APOB: variants seen among roughly 807,000 people sequenced by gnomAD.
APOB encodes apolipoprotein B, also known as apolipoprotein B-100.
In APOB, 153 loss-of-function variants were observed where a neutral mutation model predicts 314.1. The observed-to-expected ratio is 0.49, with a 90% confidence interval of 0.43 to 0.56. The LOEUF (loss-of-function observed/expected upper bound fraction) is 0.56. Among genes scored for constraint, APOB ranks in the 20% least tolerant of loss-of-function variants. The pLI is 0.00. For missense variants in APOB, 5,430 were observed against 5,350.7 expected, an observed-to-expected ratio of 1.01 and a Z score of -0.46; for synonymous variants, 2,087 against 2,036.4, an observed-to-expected ratio of 1.02 and a Z score of -0.67.
In APOB at chr2:21,009,147, G is replaced by A. The variant is rs150843941; in HGVS notation, c.7721C>T (p.Ala2574Val). The A allele has an allele frequency of 2.1e-5, 34 of 1,613,908 alleles. No homozygotes were observed. In the African/African-American group the frequency reaches 4.4e-4, roughly 21 times the overall value. Residue 2574 changes from alanine (A) to valine (V), a missense_variant, in exon 26 of 29, where the codon GCT becomes GTT. By Grantham distance (64) the Ala-to-Val change is moderately conservative. Coordinates refer to ENST00000233242, the MANE Select transcript of APOB (RefSeq NM_000384.3). The stretch of plus-strand genomic sequence containing the variant: ...CTCTACCAATGCTTTCATACGTTTA[G>A]CCCAATCTTGGATAGAATATTGCTC... The part of the protein sequence containing the change: ...FAEQYSIQDW[A>V]KRMKALVEQG...
chr2:21,043,873 C>A lies in APOB; in HGVS notation c.73G>T (p.Ala25Ser). The A allele has an allele frequency of 6.7e-7, 1 of 1,494,764 alleles. No homozygotes were observed. Among genetic ancestry groups the A allele is most frequent in the South Asian group, 1.2e-5 (1 of 80,086 alleles). The allele number at this position is 1,494,764 out of a possible 1,614,324, so 92.6% of individuals were successfully genotyped here. A position where few individuals can be genotyped will look rare whatever the true frequency, so the allele number is the denominator to read the frequency against. ...GCGGCCGCGCACTCACCGGCCCTGG[C>A]GCCCGCCAGCAGCAGCAGCAGCAGC... Reference protein sequence around the residue: ...PALLLLLLAGARAEEEMLENV... With the variant: ...PALLLLLLAGSRAEEEMLENV... The change falls in exon 1 of 29, where the codon GCC (alanine) becomes TCC (serine). Residue 25 changes from alanine to serine, a missense_variant. Physicochemically the swap from Ala to Ser is moderately conservative, Grantham distance 99 (BLOSUM62 1). Transcript: ENST00000233242.
In APOB at chr2:21,011,303, A is replaced by AG; in HGVS notation, c.5564dup (p.Val1856CysfsTer3). Reference sequence around the variant, plus strand: ...ACTCCACACCCTGAACCTTAGCAACAGTGTCTGCTTTATAGCTTGCTGATA... The same window carrying AG: ...ACTCCACACCCTGAACCTTAGCAACAGGTGTCTGCTTTATAGCTTGCTGATA... On this transcript the variant is annotated frameshift_variant, in exon 26 of 29. Transcript: ENST00000233242. LOFTEE classifies it high-confidence loss of function. 1.9e-6 allele frequency: 3 copies of AG among 1,614,220 alleles called. No individual in the cohort carries two copies. The highest frequency in any genetic ancestry group is 2.5e-6 in the Non-Finnish European group (3 of 1,180,026).
In APOB at chr2:21,008,150, C is replaced by G. The variant is rs2103353983; in HGVS notation, c.8718G>C (p.Leu2906=). 2 of 1,614,028 alleles carry G rather than the reference C, an allele frequency of 1.2e-6. No homozygotes were observed. Among genetic ancestry groups the G allele is most frequent in the Non-Finnish European group, 1.7e-6 (2 of 1,179,970 alleles). Residue 2906 remains leucine (L), a synonymous_variant, in exon 26 of 29, where the codon CTG becomes CTC. Transcript: ENST00000233242. ...PKLDFSSQAD[L]RNEIKTLLKA... ...TCAACAGTGTCTTGATCTCGTTGCG[C>G]AGGTCAGCCTGACTAGAGAAGTCCA... is the stretch of plus-strand genomic sequence containing the variant.
chr2:21,007,207 T>C lies in APOB; in HGVS notation c.9661A>G (p.Lys3221Glu). 2.5e-6 allele frequency: 4 copies of C among 1,613,928 alleles called. No individual in the cohort carries two copies. Among genetic ancestry groups the C allele is most frequent in the Non-Finnish European group, 3.4e-6 (4 of 1,179,928 alleles). ...NRNNALDFVT[K>E]SYNETKIKFD... Reference sequence around the variant, plus strand: ...TTAATTTTTGTTTCATTATAGGATTTGGTGACAAAATCTAATGCATTGTTT... The same window carrying C: ...TTAATTTTTGTTTCATTATAGGATTCGGTGACAAAATCTAATGCATTGTTT... The change falls in exon 26 of 29, where the codon AAA becomes GAA. Residue 3221 changes from lysine to glutamate, a missense_variant. Physicochemically the swap from Lys to Glu is moderately conservative, Grantham distance 56 (BLOSUM62 1). Around this residue, in one of 3 missense-constraint regions of APOB, gnomAD observed 3,281 missense variants for 3,171.0 expected, o/e 1.03. Coordinates refer to ENST00000233242, the MANE Select transcript of APOB (RefSeq NM_000384.3).
At chr2:21,040,914 G>T in intron 4 of APOB, 24 bp downstream of exon 4, 1 of 1,613,104 alleles carries the variant, frequency 6.2e-7, no homozygotes, top group South Asian at 1.1e-5. Flanking sequence ...ACACATGCGT[G>T]TGCTCATGTA....
rs769785870 is a variant in APOB, at chr2:21,003,043, C to T, written c.12379G>A (p.Asp4127Asn). 6 of 1,567,816 alleles carry T rather than the reference C, an allele frequency of 3.8e-6. No individual in the cohort carries two copies. The highest frequency in any genetic ancestry group is 2.4e-5 in the South Asian group (2 of 82,496). Residue 4127 changes from aspartate (D) to asparagine (N), a missense_variant, in exon 29 of 29, where the codon GAC (aspartate) becomes AAC (asparagine). This residue lies in a region of APOB where 3,281 missense variants were observed against 3,171.0 expected (regional missense o/e 1.03). Coordinates refer to ENST00000233242, the MANE Select transcript of APOB (RefSeq NM_000384.3). ...CTGGCTGCTTTCTGGAACCTCACGT[C>T]GATATCATCAATTTGCCTAATGGCC... is the stretch of plus-strand genomic sequence containing the variant. ...QGAIRQIDDI[D>N]VRFQKAASGT...
rs1255523685 is a variant in APOB at position 21,043,962 on chromosome 2, G to A, written c.-17C>T. The A allele has an allele frequency of 2.4e-6, 3 of 1,251,324 alleles. No individual in the cohort carries two copies. The highest frequency in any genetic ancestry group is 3.2e-5 in the African/African-American group (2 of 63,236). 77.5% of individuals were successfully genotyped at this position (1,251,324 alleles called of 1,614,324 possible). A position where few individuals can be genotyped will look rare whatever the true frequency, so the allele number is the denominator to read the frequency against. ...CGGGTCCATCGCCAGCTGCGGTGGG[G>A]CGGCTCCTGGGCTGCGGCCTGGCCT... On this transcript the variant is annotated 5_prime_UTR_variant, in exon 1 of 29. Coordinates refer to ENST00000233242, the MANE Select transcript of APOB (RefSeq NM_000384.3).
chr2:21,035,847 A>T (rs756121094), intron 6 of APOB, 139 bp from the exon 7 acceptor site: 8 of 909,082 alleles, frequency 8.8e-6, no homozygotes, highest in Non-Finnish European at 1.2e-5. Context: ...GGTACTTGAC[A>T]TTTAGACCAG....
rs1663321162 is a variant in APOB at position 21,011,551 on chromosome 2, TG to T, written c.5316del (p.Asn1772LysfsTer23). On this transcript the variant is annotated frameshift_variant, in exon 26 of 29. Coordinates refer to ENST00000233242, the MANE Select transcript of APOB (RefSeq NM_000384.3). LOFTEE classifies it high-confidence loss of function. ...TTATAAAACTTGTCAGAGCTGTAAA[TG>T]TTGTCAAGTTTTGAAGAGAAGTCCA... ...LSLDFSSKLD[N>X]IYSSDKFYKQ... 6.2e-7 allele frequency: 1 copy of T among 1,614,142 alleles called. No individual in the cohort carries two copies. The highest frequency in any genetic ancestry group is 8.5e-7 in the Non-Finnish European group (1 of 1,179,984).
Position 21,037,957 on chromosome 2 carries a change from C to A in APOB, c.537+1G>T, listed in dbSNP as rs2103384749. Reference sequence around the variant, plus strand: ...CTGCTATCAGCTTTCTAAATCCTCACCAGAAACAACACTTGCTTGGCTTCT... The same window carrying A: ...CTGCTATCAGCTTTCTAAATCCTCAACAGAAACAACACTTGCTTGGCTTCT... On this transcript the variant is annotated splice_donor_variant, in intron 5 of 28. Transcript: ENST00000233242. LOFTEE classifies it high-confidence loss of function. 1.2e-6 allele frequency: 2 copies of A among 1,614,208 alleles called. No homozygotes were observed. Among genetic ancestry groups the A allele is most frequent in the Non-Finnish European group, 1.7e-6 (2 of 1,180,048 alleles).
Position 21,034,959 on chromosome 2 carries a change from T to A in APOB, c.819-58A>T, listed in dbSNP as rs1333807945. ...TGGCCAGAACATACTATTCTTTCCA[T>A]GTTGAAGGTTTTCCCTGTCTCTGCA... On this transcript the variant is annotated intron_variant, in intron 7 of 28. Transcript: ENST00000233242. 3.5e-5 allele frequency: 31 copies of A among 894,962 alleles called. No homozygotes were observed. The South Asian group carries it at 3.9e-4, about 11-fold the overall frequency. 55.4% of individuals were successfully genotyped at this position (894,962 alleles called of 1,614,324 possible).
rs1663687716 is a variant in APOB, at chr2:21,024,611, CA to C, written c.2436+321del. On this transcript the variant is annotated intron_variant, in intron 16 of 28. Coordinates refer to ENST00000233242, the MANE Select transcript of APOB (RefSeq NM_000384.3). ...CCAGCCTGGGAGCAAGACTCCATCTCAAAAAATTAAAAAAATAAAAATAAAA... is the reference window on the plus strand; with the variant it reads ...CCAGCCTGGGAGCAAGACTCCATCTCAAAAATTAAAAAAATAAAAATAAAA... The C allele has an allele frequency of 1.6e-5, 8 of 506,218 alleles. No individual in the cohort carries two copies. The South Asian group carries it at 2.5e-4, about 16-fold the overall frequency. 31.4% of individuals were successfully genotyped at this position (506,218 alleles called of 1,614,324 possible).
In APOB at chr2:21,009,150, C is replaced by T; in HGVS notation, c.7718G>A (p.Trp2573Ter). 1 of 1,614,020 alleles carries T rather than the reference C, an allele frequency of 6.2e-7. No individual in the cohort carries two copies. The highest frequency in any genetic ancestry group is 8.5e-7 in the Non-Finnish European group (1 of 1,179,946). Residue 2573 changes from tryptophan (W) to a stop codon, truncating the protein, a stop_gained, in exon 26 of 29, where the codon TGG becomes TAG. Transcript: ENST00000233242. LOFTEE classifies it high-confidence loss of function. ...TACCAATGCTTTCATACGTTTAGCCCAATCTTGGATAGAATATTGCTCTGC... is the reference window on the plus strand; with the variant it reads ...TACCAATGCTTTCATACGTTTAGCCTAATCTTGGATAGAATATTGCTCTGC... ...DFAEQYSIQD[W>*]AKRMKALVEQ...
intron 7 of APOB, 123 bp downstream of exon 7, chr2:21,035,461 G>C: frequency 1.5e-6 from 2 of 1,299,098 alleles, no homozygotes; most frequent in Non-Finnish European, 2.2e-6. Context: ...GGGAGGGGCG[G>C]CATTTTATCC....
At chr2:21,034,753 C>A (rs1018435150) in intron 8 of APOB, 63 bp downstream of exon 8, 2 of 938,658 alleles carry the variant, frequency 2.1e-6, no homozygotes, top group Admixed American at 1.7e-5. Context: ...CAGCAAGTGG[C>A]TAAGCCATGA....
rs1572782613 is a variant in APOB, at chr2:21,009,786, A to G, written c.7082T>C (p.Leu2361Ser). 3.1e-6 allele frequency: 5 copies of G among 1,613,934 alleles called. No individual in the cohort carries two copies. Among genetic ancestry groups the G allele is most frequent in the Non-Finnish European group, 4.2e-6 (5 of 1,179,950 alleles). Reference sequence around the variant, plus strand: ...CTTGTATTGGTGGGCCAACTCTACTAATTTATCCATTAAAACCTGGATTTG... The same window carrying G: ...CTTGTATTGGTGGGCCAACTCTACTGATTTATCCATTAAAACCTGGATTTG... ...DQQIQVLMDK[L>S]VELAHQYKLK... The change falls in exon 26 of 29, where the codon TTA becomes TCA. Residue 2361 changes from leucine (L) to serine (S), a missense_variant. By Grantham distance (145) the Leu-to-Ser change is moderately radical. Around this residue, in one of 3 missense-constraint regions of APOB, gnomAD observed 3,281 missense variants for 3,171.0 expected, o/e 1.03. Coordinates refer to ENST00000233242, the MANE Select transcript of APOB (RefSeq NM_000384.3).
At position 21,006,456 on chromosome 2, in the gene APOB, G is replaced by C; in HGVS notation, c.10412C>G (p.Ser3471Cys). The C allele has an allele frequency of 1.2e-6, 2 of 1,614,112 alleles. No individual in the cohort carries two copies. The highest frequency in any genetic ancestry group is 1.7e-6 in the Non-Finnish European group (2 of 1,179,972). The stretch of plus-strand genomic sequence containing the variant: ...GTGGTCAACTGCTCCTTTAGCGGTA[G>C]AGTACAGCATTGAAGAATTGAAATC... ...KYDFNSSMLY[S>C]TAKGAVDHKL... is the part of the protein sequence containing the mutation. Residue 3471 changes from serine to cysteine, a missense_variant, in exon 26 of 29, where the codon TCT (serine) becomes TGT (cysteine). Coordinates refer to ENST00000233242, the MANE Select transcript of APOB (RefSeq NM_000384.3).
rs1166311048 is a variant in APOB, at chr2:21,010,884, T to C, written c.5984A>G (p.Asp1995Gly). ...TQFNNNEYSQ[D>G]LDAYNTKDKI... ...ATCTTTAGTGTTGTAAGCATCCAAG[T>C]CCTGGCTGTATTCATTGTTGTTAAA... Residue 1995 changes from aspartate to glycine, a missense_variant, in exon 26 of 29, where the codon GAC becomes GGC. Around this residue, in one of 3 missense-constraint regions of APOB, gnomAD observed 3,281 missense variants for 3,171.0 expected, o/e 1.03. Coordinates refer to ENST00000233242, the MANE Select transcript of APOB (RefSeq NM_000384.3). The C allele has an allele frequency of 6.2e-7, 1 of 1,613,988 alleles. No individual in the cohort carries two copies. The highest frequency in any genetic ancestry group is 8.5e-7 in the Non-Finnish European group (1 of 1,180,010).
rs144034290 is a variant in APOB, at chr2:21,013,189, A to G, written c.4187T>C (p.Val1396Ala). 4.2e-5 allele frequency: 68 copies of G among 1,614,028 alleles called. No individual in the cohort carries two copies. In the African/African-American group the frequency reaches 8.0e-4, roughly 19 times the overall value. ...CACATTGTAGGAAAGCAGGTCAACC[A>G]CAGAGTCAGCCTTCATGTGGTAACG... ...RARYHMKADSVVDLLSYNVQG... is the reference protein window; with the variant it reads ...RARYHMKADSAVDLLSYNVQG... The change falls in exon 25 of 29, where the codon GTG becomes GCG. Residue 1396 changes from valine to alanine, a missense_variant. Physicochemically the swap from Val to Ala is moderately conservative, Grantham distance 64. This residue lies in a region of APOB where 2,085 missense variants were observed against 2,079.7 expected (regional missense o/e 1.00). Transcript: ENST00000233242.
Sources: gnomAD v4.1 joint callset for allele counts on GRCh38, gnomAD v4.1.1 for gene constraint, gnomAD v4.1.1 regional missense constraint, MANE v1.5 for transcripts, NCBI Gene and HGNC (gene_info 2026-07-23, HGNC 2026-07-21) for gene names.